ARHGAP26: variants seen among roughly 807,000 people sequenced by gnomAD.
The protein encoded by ARHGAP26 is Rho GTPase activating protein 26.
Under a neutral mutation model 104.8 loss-of-function variants are expected in ARHGAP26, and 38 were observed. That is an observed-to-expected ratio of 0.36 (90% CI 0.28 to 0.48). The LOEUF (loss-of-function observed/expected upper bound fraction) is 0.48. Ranked by LOEUF, ARHGAP26 falls within the 20% of genes least tolerant of loss-of-function variation. ARHGAP26 has a pLI of 0.99. For missense variants in ARHGAP26, 704 were observed against 947.9 expected (o/e 0.74, Z 3.38); for synonymous variants, 341 against 340.0 (o/e 1.00, Z -0.03).
intron 11 of ARHGAP26, among the ~76,000 whole-genome samples, chr5:142,937,241 G>A (rs554379656): frequency 2.0e-5 from 3 of 151,970 alleles, no homozygotes; most frequent in Non-Finnish European, 4.4e-5. Flanking sequence ...TTAGAAAAAG[G>A]GCAAAAGACA....
chr5:143,057,896 C>T, intron 17 of ARHGAP26, 149 bp downstream of exon 17: 1 of 764,196 alleles, frequency 1.3e-6, no homozygotes, highest in East Asian at 2.7e-5. Context: ...GTGAAATGTT[C>T]ATTGCAGTGG....
At chr5:143,152,989 T>C (rs1253719445) in intron 20 of ARHGAP26, among the ~76,000 whole-genome samples, 3 of 152,156 alleles carry the variant, frequency 2.0e-5, no homozygotes, top group African/African-American at 7.2e-5. Flanking sequence ...TATGCAGTGA[T>C]AGTAAACTGA....
intron 20 of ARHGAP26, among the ~76,000 whole-genome samples, chr5:143,161,686 C>T (rs1329202570): frequency 6.6e-6 from 1 of 152,196 alleles, no homozygotes; most frequent in East Asian, 1.9e-4. Flanking sequence ...ACAATAAGAT[C>T]ACCTGCTTTG....
At chr5:143,111,804 T>C (rs1794801355) in intron 17 of ARHGAP26, among the ~76,000 whole-genome samples, 1 of 152,220 alleles carries the variant, frequency 6.6e-6, no homozygotes, top group African/African-American at 2.4e-5. Flanking sequence ...CCTTCCAGAT[T>C]GTCCAGGGAG....
rs920596637 is a variant in ARHGAP26 at position 143,223,158 on chromosome 5, C to T, written c.*712C>T. Reference sequence around the variant, plus strand: ...GCTGCCATCCATCGCCTAGTAACCACGGCAACCCAACCTACTCTAAAACCA... The same window carrying T: ...GCTGCCATCCATCGCCTAGTAACCATGGCAACCCAACCTACTCTAAAACCA... On this transcript the variant is annotated 3_prime_UTR_variant, in exon 23 of 23. Coordinates refer to ENST00000645722, the MANE Select transcript of ARHGAP26 (RefSeq NM_001135608.3). 22 of 233,346 alleles carry T rather than the reference C, an allele frequency of 9.4e-5. No individual in the cohort carries two copies. Among genetic ancestry groups the T allele is most frequent in the East Asian group, 3.6e-4 (6 of 16,576 alleles). The allele number at this position is 233,346 out of a possible 1,614,324, so 14.5% of individuals were successfully genotyped here. A position where few individuals can be genotyped will look rare whatever the true frequency, so the allele number is the denominator to read the frequency against.
rs147231579 is a variant in ARHGAP26 at position 143,018,722 on chromosome 5, T to G, written c.1144+4606T>G. ...CTGTTTTTGTCCCAATACCTCTCTGTTTTTAATAATAACTTTGAGGCAACT... is the reference window on the plus strand; with the variant it reads ...CTGTTTTTGTCCCAATACCTCTCTGGTTTTAATAATAACTTTGAGGCAACT... On this transcript the variant is annotated intron_variant, in intron 12 of 22. Coordinates refer to ENST00000645722, the MANE Select transcript of ARHGAP26 (RefSeq NM_001135608.3). Among the ~76,000 whole-genome samples, 416 of 152,344 alleles carry G rather than the reference T, an allele frequency of 2.7e-3. 2 individuals are homozygous for G. The highest frequency in any genetic ancestry group is 4.6e-3 in the Non-Finnish European group (313 of 68,024).
intron 17 of ARHGAP26, among the ~76,000 whole-genome samples, chr5:143,059,681 C>T (rs921576895): frequency 6.6e-6 from 1 of 152,094 alleles, no homozygotes; most frequent in Admixed American, 6.5e-5. Context: ...GCCTTCTAAC[C>T]AATTTAAGGC....
intron 9 of ARHGAP26, among the ~76,000 whole-genome samples, chr5:142,912,140 C>T (rs964620493): frequency 5.9e-5 from 9 of 152,176 alleles, no homozygotes; most frequent in African/African-American, 2.2e-4. Context: ...AAATCAGGGA[C>T]AGCAACTTCT....
At chr5:143,019,663 G>A (rs919993123) in intron 12 of ARHGAP26, among the ~76,000 whole-genome samples, 4 of 152,216 alleles carry the variant, frequency 2.6e-5, no homozygotes, top group African/African-American at 9.7e-5. Flanking sequence ...GAACACACCA[G>A]TCCAGTGCAA....
chr5:142,816,291 G>A (rs1267525087), intron 1 of ARHGAP26, among the ~76,000 whole-genome samples: 1 of 152,208 alleles, frequency 6.6e-6, no homozygotes, highest in African/African-American at 2.4e-5. Flanking sequence ...GTGCATGATC[G>A]ACACTGGATA....
intron 1 of ARHGAP26, among the ~76,000 whole-genome samples, chr5:142,784,694 G>A (rs1296542084): frequency 6.6e-6 from 1 of 152,124 alleles, no homozygotes; most frequent in African/African-American, 2.4e-5. Flanking sequence ...GACCATGGAC[G>A]ATGTTTTTTA....
At chr5:142,972,643 C>G (rs1170271817) in intron 11 of ARHGAP26, among the ~76,000 whole-genome samples, 1 of 152,130 alleles carries the variant, frequency 6.6e-6, no homozygotes, top group African/African-American at 2.4e-5. Flanking sequence ...TCACAGTTAA[C>G]CATTCTCTAC....
chr5:142,800,383 T>G (rs989539328), intron 1 of ARHGAP26, among the ~76,000 whole-genome samples: 2 of 151,748 alleles, frequency 1.3e-5, no homozygotes, highest in African/African-American at 4.9e-5. Flanking sequence ...TTTTTTTTTT[T>G]TCTGAGATGG....
chr5:142,914,567 C>A (rs1298296367), intron 10 of ARHGAP26, among the ~76,000 whole-genome samples: 1 of 152,154 alleles, frequency 6.6e-6, no homozygotes, highest in Non-Finnish European at 1.5e-5. Flanking sequence ...TTAGCTGTTA[C>A]TCTTTTTTGC....
At chr5:142,902,073 G>C in intron 7 of ARHGAP26, 34 bp downstream of exon 7, 1 of 1,587,588 alleles carries the variant, frequency 6.3e-7, no homozygotes, top group Non-Finnish European at 8.6e-7. Flanking sequence ...TCTTTTATCT[G>C]GTTAAGGAAA....
chr5:143,215,388 A>G (rs939800474), intron 22 of ARHGAP26, among the ~76,000 whole-genome samples: 2 of 152,214 alleles, frequency 1.3e-5, no homozygotes, highest in African/African-American at 4.8e-5. Flanking sequence ...TAAACTATCA[A>G]AAGTTATGTA....
chr5:142,904,100 A>G (rs1430535408), intron 8 of ARHGAP26, among the ~76,000 whole-genome samples: 1 of 152,124 alleles, frequency 6.6e-6, no homozygotes, highest in Non-Finnish European at 1.5e-5. Context: ...AGCAAGGCCC[A>G]AACAATCATG....
intron 19 of ARHGAP26, among the ~76,000 whole-genome samples, chr5:143,146,983 A>G (rs1799238685): frequency 1.3e-5 from 2 of 152,200 alleles, no homozygotes; most frequent in South Asian, 4.1e-4. Flanking sequence ...ATCCTGGCTT[A>G]TATTAAAGGG....
At chr5:142,883,641 C>T (rs1305789482) in intron 4 of ARHGAP26, among the ~76,000 whole-genome samples, 2 of 152,298 alleles carry the variant, frequency 1.3e-5, no homozygotes, top group East Asian at 3.9e-4. Context: ...GTGTCCTGCC[C>T]CAGGGCATTT....
Sources: gnomAD v4.1 joint callset for allele counts (sites outside exome capture counted in the v4.1 genomes callset) on GRCh38, gnomAD v4.1.1 for gene constraint, MANE v1.5 for transcripts, NCBI Gene and HGNC (gene_info 2026-07-23, HGNC 2026-07-21) for gene names.